NELL1: variants seen among roughly 807,000 people sequenced by gnomAD.
NELL1 encodes neural EGFL like 1.
Under a neutral mutation model 107.4 loss-of-function variants are expected in NELL1, and 76 were observed. The observed-to-expected ratio is 0.71, with a 90% CI of 0.59 to 0.86. The LOEUF (loss-of-function observed/expected upper bound fraction) is 0.86. Ranked by LOEUF, NELL1 falls within the 40% of genes least tolerant of loss-of-function variation. The probability of loss-of-function intolerance (pLI) is 0.00; values close to 1 mark genes in which losing one functional copy is unlikely to be tolerated. For missense variants in NELL1, 1,024 were observed against 1,005.5 expected (o/e 1.02, Z -0.25); for synonymous variants, 353 against 341.2 (o/e 1.03, Z -0.38).
At chr11:21,131,142 A>C (rs1379643321) in intron 13 of NELL1, among the ~76,000 whole-genome samples, 2 of 152,158 alleles carry the variant, frequency 1.3e-5, no homozygotes, top group African/African-American at 4.8e-5. Context: ...GTGCATGCAC[A>C]CCTAACAATG....
At chr11:20,752,138 A>T (rs1856154198) in intron 2 of NELL1, among the ~76,000 whole-genome samples, 1 of 140,700 alleles carries the variant, frequency 7.1e-6, no homozygotes, top group Non-Finnish European at 1.5e-5. Flanking sequence ...TTTTATTCCA[A>T]TTTTAGTTGA....
intron 13 of NELL1, among the ~76,000 whole-genome samples, chr11:21,139,596 ATGTT>A (rs1181424566): frequency 2.6e-5 from 4 of 152,176 alleles, no homozygotes; most frequent in African/African-American, 9.7e-5. Flanking sequence ...GAGGGCATGA[ATGTT>A]TGTTGCTTTT....
chr11:21,298,550 C>A lies in NELL1; in HGVS notation c.1549+69096C>A, dbSNP rs559357802. Among the ~76,000 whole-genome samples, 10 of 152,040 alleles carry A rather than the reference C, an allele frequency of 6.6e-5. No individual in the cohort carries two copies. The East Asian group carries it at 1.9e-3, about 30-fold the overall frequency. ...TCTTTCAAGGAGCCTGCAGGAGTTT[C>A]TGCTGAAATCTTATCCATCACCCTC... On this transcript the variant is annotated intron_variant, in intron 14 of 19. Transcript: ENST00000357134.
At chr11:20,814,979 T>C (rs1857592391) in intron 3 of NELL1, among the ~76,000 whole-genome samples, 1 of 152,184 alleles carries the variant, frequency 6.6e-6, no homozygotes, top group African/African-American at 2.4e-5. Context: ...TCTATTATTT[T>C]TTTGACTTTT....
At chr11:21,066,869 G>A (rs555928920) in intron 12 of NELL1, among the ~76,000 whole-genome samples, 21 of 152,062 alleles carry the variant, frequency 1.4e-4, no homozygotes, top group African/African-American at 4.1e-4. Context: ...CAGGAGGGTC[G>A]CTTGAACCCA....
intron 15 of NELL1, among the ~76,000 whole-genome samples, chr11:21,508,995 T>A (rs963305665): frequency 2.0e-5 from 3 of 152,116 alleles, no homozygotes; most frequent in South Asian, 2.1e-4. Flanking sequence ...AAACAGAAGC[T>A]ACATGATTGG....
intron 13 of NELL1, among the ~76,000 whole-genome samples, chr11:21,178,780 T>G (rs970827250): frequency 6.6e-6 from 1 of 151,430 alleles, no homozygotes; most frequent in Non-Finnish European, 1.5e-5. Flanking sequence ...AAAAAAAAGT[T>G]TTTCTGTTAG....
At chr11:20,847,265 T>C (rs1848716515) in intron 3 of NELL1, among the ~76,000 whole-genome samples, 1 of 152,176 alleles carries the variant, frequency 6.6e-6, no homozygotes, top group Non-Finnish European at 1.5e-5. Context: ...TTTTAGACAT[T>C]CATGGAATGA....
chr11:21,278,926 T>C (rs541956764), intron 14 of NELL1, among the ~76,000 whole-genome samples: 7 of 152,244 alleles, frequency 4.6e-5, no homozygotes, highest in Admixed American at 2.6e-4. Flanking sequence ...TGATGAAGAA[T>C]AGACAAACAA....
At chr11:21,003,480 G>A (rs1253712225) in intron 12 of NELL1, among the ~76,000 whole-genome samples, 1 of 152,084 alleles carries the variant, frequency 6.6e-6, no homozygotes, top group Non-Finnish European at 1.5e-5. Flanking sequence ...AAGTATTAGA[G>A]GTCATCTAGT....
At chr11:20,881,840 G>A (rs1421610419) in intron 4 of NELL1, among the ~76,000 whole-genome samples, 1 of 151,964 alleles carries the variant, frequency 6.6e-6, no homozygotes, top group African/African-American at 2.4e-5. Flanking sequence ...TTCTAAATTT[G>A]CCTGTATGTA....
At chr11:20,889,534 T>C (rs1191557217) in intron 5 of NELL1, among the ~76,000 whole-genome samples, 1 of 152,224 alleles carries the variant, frequency 6.6e-6, no homozygotes, top group Non-Finnish European at 1.5e-5. Flanking sequence ...AAATGCATGT[T>C]GACAGTATGC....
At chr11:21,495,976 A>C (rs1854967141) in intron 15 of NELL1, among the ~76,000 whole-genome samples, 1 of 152,076 alleles carries the variant, frequency 6.6e-6, no homozygotes, top group South Asian at 2.1e-4. Flanking sequence ...GGTCCACTTT[A>C]AAAATAATTT....
Position 21,129,440 on chromosome 11 carries a change from T to G in NELL1, c.1426+15726T>G, listed in dbSNP as rs191607355. Among the ~76,000 whole-genome samples, 201 of 152,314 alleles carry G rather than the reference T, an allele frequency of 1.3e-3. 1 individual carries two copies. Among genetic ancestry groups the G allele is most frequent in the African/African-American group, 4.6e-3 (192 of 41,576 alleles). The stretch of plus-strand genomic sequence containing the variant: ...ACCCAAAAGAATTGAAAGTAGGGTC[T>G]TGAAGAGATATTTGCACACTCATAT... On this transcript the variant is annotated intron_variant, in intron 13 of 19. Transcript: ENST00000357134.
intron 13 of NELL1, among the ~76,000 whole-genome samples, chr11:21,198,794 G>A (rs1000638256): frequency 1.3e-5 from 2 of 152,056 alleles, no homozygotes; most frequent in Non-Finnish European, 2.9e-5. Flanking sequence ...ATTTTGCTTG[G>A]CTAACTCCTA....
At chr11:20,960,240 G>T (rs1851262732) in intron 11 of NELL1, among the ~76,000 whole-genome samples, 192 bp from the exon 12 acceptor site, 1 of 152,144 alleles carries the variant, frequency 6.6e-6, no homozygotes, top group Non-Finnish European at 1.5e-5. Context: ...GTGGGGGAAA[G>T]CCTCTTACGC....
chr11:21,163,896 A>AT (rs1431873607), intron 13 of NELL1, among the ~76,000 whole-genome samples: 49 of 151,880 alleles, frequency 3.2e-4, no homozygotes, highest in African/African-American at 9.9e-4. Flanking sequence ...CAATATATGA[A>AT]TTTTGAGGGG....
intron 14 of NELL1, among the ~76,000 whole-genome samples, chr11:21,280,487 G>A (rs760337729): frequency 2.6e-5 from 4 of 152,142 alleles, no homozygotes; most frequent in Non-Finnish European, 4.4e-5. Flanking sequence ...CACTCAGCAG[G>A]AGCCATGTGA....
chr11:20,726,286 T>G (rs1413150956), intron 2 of NELL1, among the ~76,000 whole-genome samples: 2 of 152,154 alleles, frequency 1.3e-5, no homozygotes, highest in East Asian at 3.9e-4. Context: ...CAAATGGTAG[T>G]TTTTTTATTA....
Sources: allele counts gnomAD v4.1 joint callset (sites outside exome capture counted in the v4.1 genomes callset), GRCh38; gene constraint gnomAD v4.1.1; transcripts MANE v1.5; gene names NCBI Gene and HGNC (gene_info 2026-07-23, HGNC 2026-07-21).